The following MFN2 variants were observed in gnomAD, a reference collection of about 807,000 sequenced individuals.
MFN2 encodes mitofusin 2.
In MFN2, 43 loss-of-function variants were observed where a neutral mutation model predicts 87.5. That is an observed-to-expected ratio of 0.49 (90% CI 0.38 to 0.63). MFN2 has a LOEUF of 0.63. Ranked by LOEUF, MFN2 falls within the 30% of genes least tolerant of loss-of-function variation. The pLI, the probability that MFN2 is intolerant of heterozygous loss-of-function variation, is 0.00. For synonymous variants in MFN2, 337 were observed against 359.9 expected (o/e 0.94, Z 0.72); for missense variants, 743 against 972.8 (o/e 0.76, Z 3.14).
chr1:11,985,880 C>G (rs1036710230), intron 2 of MFN2, among the ~76,000 whole-genome samples: 1 of 152,200 alleles, frequency 6.6e-6, no homozygotes, highest in African/African-American at 2.4e-5. Context: ...TCAGCGCACT[C>G]TCCTTTGCTG....
At chr1:11,994,645 C>T (rs1246118569) in intron 4 of MFN2, among the ~76,000 whole-genome samples, 1 of 152,066 alleles carries the variant, frequency 6.6e-6, no homozygotes, top group Non-Finnish European at 1.5e-5. Flanking sequence ...GTATGCTAGG[C>T]ACACAGTGGT....
chr1:12,003,459 G>T lies in MFN2; in HGVS notation c.1161-533G>T, dbSNP rs974375231. ...GCGGATGGATCACCTGAGGTCAGGA[G>T]TTCAAGACCAGCCTGACCAACACGG... On this transcript the variant is annotated intron_variant, in intron 11 of 18. Transcript: ENST00000235329. This position sits in a 1 kb window ranked among gnomAD's most constrained non-coding sequence, Gnocchi z 4.1. Among the ~76,000 whole-genome samples the T allele has an allele frequency of 6.6e-6, 1 of 152,230 alleles. No homozygotes were observed. Among genetic ancestry groups the T allele is most frequent in the Non-Finnish European group, 1.5e-5 (1 of 68,042 alleles).
chr1:12,005,947 C>T lies in MFN2; in HGVS notation c.1716+16C>T, dbSNP rs2100853696. On this transcript the variant is annotated intron_variant, in intron 15 of 18. Coordinates refer to ENST00000235329, the MANE Select transcript of MFN2 (RefSeq NM_014874.4). ...CAATGACCAGGCAAGCAAAGTTCCT[C>T]ACCTCAAGGGCATTGTGGGGGGTCA... 8 of 1,611,108 alleles carry T rather than the reference C, an allele frequency of 5.0e-6. No homozygotes were observed. The highest frequency in any genetic ancestry group is 5.9e-6 in the Non-Finnish European group (7 of 1,178,468).
At position 12,004,682 on chromosome 1, in the gene MFN2, G is replaced by T; in HGVS notation, c.1392+69G>T. ...AAGTGATTCAACCCCTGTTGGTCTG[G>T]GTCAGGGCCCCCCAGCAGTGACAGT... is the stretch of plus-strand genomic sequence containing the variant. On this transcript the variant is annotated intron_variant, in intron 13 of 18. Transcript: ENST00000235329. This position sits in a 1 kb window ranked among gnomAD's most constrained non-coding sequence, Gnocchi z 4.2. 6.5e-7 allele frequency: 1 copy of T among 1,540,628 alleles called. No homozygotes were observed. The highest frequency in any genetic ancestry group is 2.2e-5 in the East Asian group (1 of 44,526).
At chr1:11,988,222 C>T (rs1027054821) in intron 2 of MFN2, among the ~76,000 whole-genome samples, 3 of 151,886 alleles carry the variant, frequency 2.0e-5, no homozygotes, top group Non-Finnish European at 4.4e-5. Flanking sequence ...CTGCCTCAGC[C>T]TCCCAAGTAG....
chr1:12,009,490 G>C, intron 17 of MFN2, 102 bp from the exon 18 acceptor site: 4 of 1,526,088 alleles, frequency 2.6e-6, no homozygotes, highest in Non-Finnish European at 2.7e-6. Flanking sequence ...CTGCTGGCAG[G>C]GATATAGACA....
At chr1:12,001,637 C>T in intron 9 of MFN2, 83 bp downstream of exon 9, 1 of 1,604,744 alleles carries the variant, frequency 6.2e-7, no homozygotes, top group Non-Finnish European at 8.5e-7. Context: ...AGTAGAAAAT[C>T]CTTCTGAGAA....
At chr1:12,002,157 C>T (rs1639208281) in intron 11 of MFN2, 54 bp downstream of exon 11, 1 of 1,613,034 alleles carries the variant, frequency 6.2e-7, no homozygotes, top group Non-Finnish European at 8.5e-7. Context: ...CAAGGGTGCT[C>T]CACCCCTGCC....
At chr1:12,000,456 C>T (rs1180738618) in intron 8 of MFN2, among the ~76,000 whole-genome samples, 1 of 152,200 alleles carries the variant, frequency 6.6e-6, no homozygotes, top group African/African-American at 2.4e-5. Context: ...TCCCAAAGTG[C>T]TGGGATTACG....
At chr1:11,992,786 C>T (rs1294113659) in intron 4 of MFN2, 96 bp downstream of exon 4, 1 of 1,445,394 alleles carries the variant, frequency 6.9e-7, no homozygotes, top group East Asian at 2.3e-5. Context: ...CAGGGACATG[C>T]TTCAGAATTC....
At chr1:11,983,668 C>T (rs1557511253) in intron 2 of MFN2, among the ~76,000 whole-genome samples, 1 of 152,198 alleles carries the variant, frequency 6.6e-6, no homozygotes. Flanking sequence ...AGGAACCCAG[C>T]TGCCCTGCAT....
chr1:11,990,555 A>T (rs1017518862), intron 3 of MFN2, among the ~76,000 whole-genome samples: 1 of 152,208 alleles, frequency 6.6e-6, no homozygotes, highest in African/African-American at 2.4e-5. Context: ...CACATGCGTA[A>T]TGCAGGTGTT....
At chr1:11,989,682 G>C (rs1638589995) in intron 3 of MFN2, among the ~76,000 whole-genome samples, 1 of 152,148 alleles carries the variant, frequency 6.6e-6, no homozygotes, top group Non-Finnish European at 1.5e-5. Flanking sequence ...TTTTACCCAG[G>C]TGTCTCCAAC....
At chr1:11,985,649 A>G (rs1302829373) in intron 2 of MFN2, among the ~76,000 whole-genome samples, 3 of 151,582 alleles carry the variant, frequency 2.0e-5, no homozygotes, top group Non-Finnish European at 4.4e-5. Context: ...TGTATTTTTC[A>G]TAGAGACGGG....
rs565213728 is a variant in MFN2, at chr1:11,983,021, G to A, written c.-5+907G>A. Among the ~76,000 whole-genome samples, 206 of 152,298 alleles carry A rather than the reference G, an allele frequency of 1.4e-3. 1 individual carries two copies. The highest frequency in any genetic ancestry group is 3.4e-3 in the Middle Eastern group (1 of 294). Reference sequence around the variant, plus strand: ...TGCTGTGCTCACGTGCTCCACTGAGGAAAATGGTAGCATATGGTGTTTTTT... The same window carrying A: ...TGCTGTGCTCACGTGCTCCACTGAGAAAAATGGTAGCATATGGTGTTTTTT... On this transcript the variant is annotated intron_variant, in intron 2 of 18. Transcript: ENST00000235329.
rs1280439510 is a variant in MFN2 at position 12,001,400 on chromosome 1, G to C, written c.817-1G>C. 1.2e-6 allele frequency: 2 copies of C among 1,613,500 alleles called. No individual in the cohort carries two copies. The highest frequency in any genetic ancestry group is 8.5e-7 in the Non-Finnish European group (1 of 1,179,878). ...TCTGGACACATTTGTTTGGGCTCCA[G>C]GTGCGGCGGCAGCACATGGAGCGTT... On this transcript the variant is annotated splice_acceptor_variant, in intron 8 of 18. Coordinates refer to ENST00000235329, the MANE Select transcript of MFN2 (RefSeq NM_014874.4). LOFTEE classifies it high-confidence loss of function.
intron 15 of MFN2, 74 bp from the exon 16 acceptor site, chr1:12,006,464 G>C: frequency 1.3e-6 from 2 of 1,590,208 alleles, no homozygotes; most frequent in East Asian, 4.5e-5. Flanking sequence ...CCCCAGACTA[G>C]GGCAACACTG....
chr1:11,982,923 A>G (rs781610748), intron 2 of MFN2, among the ~76,000 whole-genome samples: 1 of 152,176 alleles, frequency 6.6e-6, no homozygotes, highest in Non-Finnish European at 1.5e-5. Flanking sequence ...TTCATTGATT[A>G]TATTTGTGAA....
intron 17 of MFN2, 138 bp downstream of exon 17, chr1:12,007,387 C>A (rs1639472724): frequency 5.5e-6 from 6 of 1,100,658 alleles, no homozygotes; most frequent in African/African-American, 4.7e-5. Context: ...TTCAGGTGTG[C>A]AGGGCCAGCT....
Sources: allele counts gnomAD v4.1 joint callset (sites outside exome capture counted in the v4.1 genomes callset), GRCh38; gene constraint gnomAD v4.1.1; non-coding constraint Gnocchi (gnomAD v3.1); transcripts MANE v1.5; gene names NCBI Gene and HGNC (gene_info 2026-07-23, HGNC 2026-07-21).